Variants in ZNF391 observed in about 807,000 individuals in gnomAD.
The protein encoded by ZNF391 is zinc finger protein 391.
For synonymous variants in ZNF391, 126 were observed against 142.1 expected (o/e 0.89, Z 0.80); for missense variants, 375 against 425.5 (o/e 0.88, Z 1.04).
At chr6:27,380,788 G>T (rs9468087) in intron 1 of ZNF391, among the ~76,000 whole-genome samples, 1 of 82,872 alleles carries the variant, frequency 1.2e-5, no homozygotes, top group Non-Finnish European at 2.7e-5. Flanking sequence ...AGATACAGAG[G>T]GTTGACACAA....
chr6:27,386,385 G>A (rs1417181314), upstream of ZNF391, among the ~76,000 whole-genome samples: 1 of 152,100 alleles, frequency 6.6e-6, no homozygotes, highest in Non-Finnish European at 1.5e-5. Context: ...ACATTTGTTT[G>A]CAGAAATAGA....
chr6:27,386,169 T>G (rs1306094511), upstream of ZNF391, among the ~76,000 whole-genome samples: 1 of 152,120 alleles, frequency 6.6e-6, no homozygotes, highest in Non-Finnish European at 1.5e-5. Context: ...ATATACATAT[T>G]AGAAATAGCA....
chr6:27,386,388 G>A (rs1395760435), upstream of ZNF391, among the ~76,000 whole-genome samples: 1 of 152,100 alleles, frequency 6.6e-6, no homozygotes, highest in African/African-American at 2.4e-5. Flanking sequence ...TTTGTTTGCA[G>A]AAATAGAAAA....
At chr6:27,389,729 G>C (rs1380783742) in intron 1 of ZNF391, among the ~76,000 whole-genome samples, 1 of 152,116 alleles carries the variant, frequency 6.6e-6, no homozygotes, top group African/African-American at 2.4e-5. Context: ...ACTTGTACCC[G>C]GGAGGCAGAG....
At chr6:27,379,154 T>G (rs183685197) in intron 1 of ZNF391, among the ~76,000 whole-genome samples, 4 of 152,390 alleles carry the variant, frequency 2.6e-5, no homozygotes, top group Admixed American at 2.6e-4. Context: ...CAACAATAGA[T>G]GAAATGAAAT....
chr6:27,390,308 G>T (rs969034566), intron 1 of ZNF391, among the ~76,000 whole-genome samples: 1 of 152,194 alleles, frequency 6.6e-6, no homozygotes, highest in Admixed American at 6.5e-5. Context: ...GTGCTAAAAA[G>T]TTTGAGTCAC....
At chr6:27,392,122 A>G (rs1301365611) in intron 1 of ZNF391, among the ~76,000 whole-genome samples, 3 of 152,222 alleles carry the variant, frequency 2.0e-5, no homozygotes, top group Non-Finnish European at 4.4e-5. Flanking sequence ...TGGTTTCTAT[A>G]TAGCTACCAA....
intron 1 of ZNF391, among the ~76,000 whole-genome samples, chr6:27,382,331 G>C (rs1021145635): frequency 2.6e-5 from 4 of 152,160 alleles, no homozygotes; most frequent in Non-Finnish European, 5.9e-5. Context: ...TCCAGCCTGG[G>C]CAACAAGAGG....
At chr6:27,380,533 A>C (rs1231923704) in intron 1 of ZNF391, among the ~76,000 whole-genome samples, 5 of 152,128 alleles carry the variant, frequency 3.3e-5, no homozygotes, top group Non-Finnish European at 5.9e-5. Context: ...GCAAACAGTG[A>C]AACAACAAAC....
In ZNF391 at chr6:27,401,233, G is replaced by A. The variant is rs370545403; in HGVS notation, c.863G>A (p.Arg288Gln). The A allele has an allele frequency of 1.8e-5, 29 of 1,614,018 alleles. No homozygotes were observed. The highest frequency in any genetic ancestry group is 2.2e-5 in the Non-Finnish European group (26 of 1,180,016). Reference sequence around the variant, plus strand: ...AGTGAATGTGGGAAAGTGTTCAGTCGAAGCTCGTCTCTTACAGAACATCAG... The same window carrying A: ...AGTGAATGTGGGAAAGTGTTCAGTCAAAGCTCGTCTCTTACAGAACATCAG... ...ECSECGKVFSRSSSLTEHQRI... is the reference protein window; with the variant it reads ...ECSECGKVFSQSSSLTEHQRI... The change falls in exon 3 of 3, where the codon CGA becomes CAA. Residue 288 changes from arginine (R) to glutamine (Q), a missense_variant. Coordinates refer to ENST00000244576, the MANE Select transcript of ZNF391 (RefSeq NM_001076781.3).
chr6:27,397,617 A>G (rs1460634426), intron 1 of ZNF391, among the ~76,000 whole-genome samples: 1 of 152,188 alleles, frequency 6.6e-6, no homozygotes, highest in Non-Finnish European at 1.5e-5. Context: ...TGTTGGCATC[A>G]TAAAGTATGC....
chr6:27,401,434 A>G lies in ZNF391; in HGVS notation c.1064A>G (p.His355Arg). The stretch of plus-strand genomic sequence containing the variant: ...ACTCTGATCAGACATCAGCACCTTC[A>G]TACTAAAGAGTAATATCTGAGCTTT... ...SSTLIRHQHL[H>R]TKE The change falls in exon 3 of 3, where the codon CAT becomes CGT. Residue 355 changes from histidine (H) to arginine (R), a missense_variant. By Grantham distance (29) the His-to-Arg change is conservative. Coordinates refer to ENST00000244576, the MANE Select transcript of ZNF391 (RefSeq NM_001076781.3). 6.2e-7 allele frequency: 1 copy of G among 1,605,804 alleles called. No homozygotes were observed. Among genetic ancestry groups the G allele is most frequent in the Non-Finnish European group, 8.5e-7 (1 of 1,178,212 alleles).
rs139433186 is a variant in ZNF391, at chr6:27,376,727, G to A, written n.523+1590G>A. 3.7e-3 allele frequency among the ~76,000 whole-genome samples: 557 copies of A among 152,086 alleles called. 4 individuals are homozygous for A. The highest frequency in any genetic ancestry group is 0.013 in the African/African-American group (521 of 41,500). On this transcript the variant is annotated intron_variant and non_coding_transcript_variant, in intron 1 of 2. Transcript: ENST00000477999. The surrounding 1 kb of genome is among the most constrained non-coding windows in gnomAD (Gnocchi z 4.7). ...AAAAAAATTAGCTAGATGTAATGGC[G>A]AGCCGCTTGAAGCTACTCCGGCGGC... is the stretch of plus-strand genomic sequence containing the variant.
At chr6:27,394,200 G>C (rs1030068075) in intron 1 of ZNF391, among the ~76,000 whole-genome samples, 45 of 152,206 alleles carry the variant, frequency 3.0e-4, no homozygotes, top group African/African-American at 1.0e-3. Context: ...AGGCCTCAAA[G>C]GCATTTCAGA....
chr6:27,390,977 C>G (rs1761695637), intron 1 of ZNF391: 1 of 152,082 alleles, frequency 6.6e-6, no homozygotes. Context: ...TTTTGACCCT[C>G]AGGAAGAAGT....
At chr6:27,385,560 T>C (rs1761573758), upstream of ZNF391, among the ~76,000 whole-genome samples, 1 of 152,152 alleles carries the variant, frequency 6.6e-6, no homozygotes, top group South Asian at 2.1e-4. Flanking sequence ...AATTATGTAA[T>C]GAGAAAAGGG....
chr6:27,386,469 A>G (rs919087691), upstream of ZNF391, among the ~76,000 whole-genome samples: 25 of 152,212 alleles, frequency 1.6e-4, no homozygotes, highest in African/African-American at 5.8e-4. Context: ...AGAAAAGAAT[A>G]AAGTTTAAAG....
rs1761387257 is a variant in ZNF391 at position 27,374,795 on chromosome 6, C to T, written n.181C>T. On this transcript the variant is annotated non_coding_transcript_exon_variant, in exon 1 of 3. Coordinates refer to the ZNF391 transcript ENST00000477999. The surrounding 1 kb of genome is among the most constrained non-coding windows in gnomAD (Gnocchi z 5.3). The stretch of plus-strand genomic sequence containing the variant: ...ACCAGCGCCCGCTGGCCGTCGTCAC[C>T]CTCTAATTTCTCGCAAAACTCCCGG... 1 of 152,204 alleles carries T rather than the reference C, an allele frequency of 6.6e-6. No homozygotes were observed. Among genetic ancestry groups the T allele is most frequent in the East Asian group, 1.9e-4 (1 of 5,142 alleles). 9.4% of individuals were successfully genotyped at this position (152,204 alleles called of 1,614,324 possible).
chr6:27,399,806 C>T (rs946651466), intron 2 of ZNF391, among the ~76,000 whole-genome samples: 3 of 152,104 alleles, frequency 2.0e-5, no homozygotes, highest in Non-Finnish European at 2.9e-5. Flanking sequence ...GCAGTGTGGT[C>T]GTTACTATTT....
Sources: gnomAD v4.1 joint callset for allele counts (sites outside exome capture counted in the v4.1 genomes callset) on GRCh38, gnomAD v4.1.1 for gene constraint, Gnocchi (gnomAD v3.1) non-coding constraint, MANE v1.5 for transcripts, NCBI Gene and HGNC (gene_info 2026-07-23, HGNC 2026-07-21) for gene names.